The following LRP1B variants were observed in gnomAD, a reference collection of about 807,000 sequenced individuals.
The protein encoded by LRP1B is low-density lipoprotein receptor-related protein 1B.
A neutral mutation model predicts 556.6 loss-of-function variants in LRP1B; 217 were observed. That is an observed-to-expected ratio of 0.39 (90% confidence interval 0.35 to 0.44). LRP1B has a LOEUF of 0.44. LRP1B is among the 20% of genes least tolerant of loss of function. The pLI is 1.00. For synonymous variants in LRP1B, 2,047 were observed against 1,865.8 expected, an observed-to-expected ratio of 1.10 and a Z score of -2.50; for missense variants, 5,053 against 5,620.8, an observed-to-expected ratio of 0.90 and a Z score of 3.23.
chr2:142,047,940 G>A (rs1574630640), intron 1 of LRP1B, among the ~76,000 whole-genome samples: 3 of 151,966 alleles, frequency 2.0e-5, no homozygotes, highest in African/African-American at 7.2e-5. Context: ...GAAATTCTGG[G>A]ATTTTGTGTT....
At position 141,815,032 on chromosome 2, in the gene LRP1B, A is replaced by G. The variant is rs546546609; in HGVS notation, c.83-4631T>C. ...GAATCACTCATGATAAAGTTCAAGTACAGTGAGTTCTAAAAATCTGGAGTA... is the reference window on the plus strand; with the variant it reads ...GAATCACTCATGATAAAGTTCAAGTGCAGTGAGTTCTAAAAATCTGGAGTA... On this transcript the variant is annotated intron_variant, in intron 1 of 90. Coordinates refer to ENST00000389484, the MANE Select transcript of LRP1B (RefSeq NM_018557.3). 3.9e-5 allele frequency among the ~76,000 whole-genome samples: 6 copies of G among 152,264 alleles called. No homozygotes were observed. The South Asian group carries it at 1.2e-3, about 32-fold the overall frequency.
intron 2 of LRP1B, among the ~76,000 whole-genome samples, chr2:141,517,259 T>TACACACACACACACACACACATACACAC (rs71281835): frequency 0.29 from 41,281 of 141,288 alleles, 7,002 homozygotes; most frequent in East Asian, 0.5. Flanking sequence ...AGGACAAGAA[T>TACACACACACACACACACACATACACAC]ACGCACACAC....
chr2:140,357,127 A>G (rs1161275739), intron 74 of LRP1B, among the ~76,000 whole-genome samples: 1 of 151,800 alleles, frequency 6.6e-6, no homozygotes, highest in African/African-American at 2.4e-5. Flanking sequence ...AAAACATTTT[A>G]GAAGGCCTTC....
intron 3 of LRP1B, among the ~76,000 whole-genome samples, chr2:141,406,599 A>G (rs1181048317): frequency 6.6e-6 from 1 of 150,952 alleles, no homozygotes; most frequent in Non-Finnish European, 1.5e-5. Flanking sequence ...TCTATCATCT[A>G]TCTTACATAT....
chr2:142,015,978 C>T (rs528622290), intron 1 of LRP1B, among the ~76,000 whole-genome samples: 9 of 74,286 alleles, frequency 1.2e-4, no homozygotes, highest in South Asian at 5.5e-4. Flanking sequence ...GGCAACAGCG[C>T]GAGACTCCAT....
intron 66 of LRP1B, among the ~76,000 whole-genome samples, chr2:140,431,202 G>A (rs1348518106): frequency 3.9e-5 from 6 of 152,106 alleles, no homozygotes; most frequent in African/African-American, 1.4e-4. Flanking sequence ...AGGAAAGGTA[G>A]AACGGACTAA....
At position 142,031,223 on chromosome 2, in the gene LRP1B, C is replaced by T. The variant is rs967455638; in HGVS notation, c.82+99425G>A. 4.0e-5 allele frequency among the ~76,000 whole-genome samples: 6 copies of T among 150,306 alleles called. No individual in the cohort carries two copies. In the South Asian group the frequency reaches 1.3e-3, roughly 32 times the overall value. On this transcript the variant is annotated intron_variant, in intron 1 of 90. Transcript: ENST00000389484. Reference sequence around the variant, plus strand: ...GAGATAAATGTGCATGTGAAAGAGACAGAGATAAACAATCAAATCATTGGA... The same window carrying T: ...GAGATAAATGTGCATGTGAAAGAGATAGAGATAAACAATCAAATCATTGGA...
Position 140,754,433 on chromosome 2 carries a change from C to T in LRP1B, c.5758+14780G>A, listed in dbSNP as rs531624995. Among the ~76,000 whole-genome samples, 18 of 152,074 alleles carry T rather than the reference C, an allele frequency of 1.2e-4. No individual in the cohort carries two copies. In the South Asian group the frequency reaches 2.7e-3, roughly 23 times the overall value. On this transcript the variant is annotated intron_variant, in intron 35 of 90. Transcript: ENST00000389484. ...AGCAAATAGTGTATATGCTACCAAA[C>T]GAAAGGATCAAACTCAATAAGCATT...
chr2:140,381,861 CA>C (rs56723132), intron 67 of LRP1B, among the ~76,000 whole-genome samples: 4,692 of 64,106 alleles, frequency 0.073, 45 homozygotes, highest in South Asian at 0.15. Flanking sequence ...GGCTCCCTTT[CA>C]AAAAAAAAAA....
In LRP1B at chr2:140,285,258, G is replaced by T. The variant is rs59880224; in HGVS notation, c.12968-10660C>A. On this transcript the variant is annotated intron_variant, in intron 84 of 90. Coordinates refer to ENST00000389484, the MANE Select transcript of LRP1B (RefSeq NM_018557.3). ...ATGTATCTACACATATATATACATA[G>T]AGAAATTTCTATATTGTGTGATAGC... Among the ~76,000 whole-genome samples the T allele has an allele frequency of 2.2e-3, 323 of 149,682 alleles. 1 individual carries two copies. Among genetic ancestry groups the T allele is most frequent in the African/African-American group, 7.5e-3 (303 of 40,502 alleles).
At chr2:140,747,602 A>G (rs1688360912) in intron 35 of LRP1B, among the ~76,000 whole-genome samples, 1 of 152,154 alleles carries the variant, frequency 6.6e-6, no homozygotes, top group Non-Finnish European at 1.5e-5. Context: ...AACATGTGGT[A>G]TGGGAGTTAT....
At chr2:142,108,870 A>C (rs1574694147) in intron 1 of LRP1B, among the ~76,000 whole-genome samples, 1 of 152,226 alleles carries the variant, frequency 6.6e-6, no homozygotes, top group African/African-American at 2.4e-5. Context: ...ATTGCTCCAC[A>C]CACCTGAGAC....
chr2:141,830,917 T>C (rs1487433095), intron 1 of LRP1B, among the ~76,000 whole-genome samples: 1 of 151,770 alleles, frequency 6.6e-6, no homozygotes. Flanking sequence ...GCTAAGTGCA[T>C]CTTAAAAATT....
intron 1 of LRP1B, among the ~76,000 whole-genome samples, chr2:141,917,121 G>A (rs1035239257): frequency 2.6e-5 from 4 of 152,082 alleles, no homozygotes; most frequent in Non-Finnish European, 5.9e-5. Flanking sequence ...ATGATGAAGA[G>A]AGATAAATTG....
At chr2:141,161,252 C>G (rs892699938) in intron 7 of LRP1B, among the ~76,000 whole-genome samples, 6 of 152,108 alleles carry the variant, frequency 3.9e-5, no homozygotes. Flanking sequence ...CCTTTCAGTA[C>G]TGCTCATAGT....
chr2:140,583,162 CTTTTTTTTCTTTTT>C (rs1376212937), intron 43 of LRP1B, among the ~76,000 whole-genome samples: 3 of 107,810 alleles, frequency 2.8e-5, no homozygotes, highest in Admixed American at 1.1e-4. Flanking sequence ...ACAGTTTCTC[CTTTTTTTTCTTTTT>C]TTTTTTTTTT....
At chr2:141,073,199 G>A (rs1699692787) in intron 7 of LRP1B, among the ~76,000 whole-genome samples, 1 of 151,962 alleles carries the variant, frequency 6.6e-6, no homozygotes, top group Admixed American at 6.6e-5. Context: ...CACACTTCCT[G>A]ACACAATGAT....
chr2:140,944,643 C>T (rs955413239), intron 20 of LRP1B, among the ~76,000 whole-genome samples: 6 of 152,038 alleles, frequency 3.9e-5, no homozygotes, highest in African/African-American at 1.4e-4. Flanking sequence ...ACCACATAAA[C>T]AGAATTAAAA....
At chr2:140,356,266 T>C (rs1211381317) in intron 75 of LRP1B, 76 bp downstream of exon 75, 1 of 1,417,744 alleles carries the variant, frequency 7.1e-7, no homozygotes. Flanking sequence ...TCCCCTGTGA[T>C]CTCACAATTT....
Sources: allele counts gnomAD v4.1 joint callset (sites outside exome capture counted in the v4.1 genomes callset), GRCh38; gene constraint gnomAD v4.1.1; transcripts MANE v1.5; gene names NCBI Gene and HGNC (gene_info 2026-07-23, HGNC 2026-07-21).